HERC4: variants seen among roughly 807,000 people sequenced by gnomAD.
HERC4 encodes the protein probable E3 ubiquitin-protein ligase HERC4.
In HERC4, 28 loss-of-function variants were observed where a neutral mutation model predicts 124.3. The ratio of observed to expected loss-of-function variants is 0.23; its 90% confidence interval spans 0.17 to 0.31. The LOEUF (loss-of-function observed/expected upper bound fraction) is 0.31. HERC4 is among the 10% of genes least tolerant of loss of function. The pLI, the probability that HERC4 is intolerant of heterozygous loss-of-function variation, is 1.00. For synonymous variants in HERC4, 407 were observed against 421.5 expected (o/e 0.97, Z 0.42); for missense variants, 713 against 1,229.3 (o/e 0.58, Z 6.28).
intron 16 of HERC4, among the ~76,000 whole-genome samples, chr10:67,958,275 C>T (rs1415178973): frequency 6.6e-6 from 1 of 152,164 alleles, no homozygotes; most frequent in East Asian, 1.9e-4. Context: ...ACAAGGTTTA[C>T]CTCCATCCTA....
chr10:68,068,039 G>C (rs955190307), intron 3 of HERC4: 1 of 152,154 alleles, frequency 6.6e-6, no homozygotes, highest in African/African-American at 2.4e-5. Flanking sequence ...TTAGTTATAA[G>C]ATAGTAATTT....
intron 16 of HERC4, 118 bp downstream of exon 16, chr10:67,966,565 G>GT (rs1274803878): frequency 3.3e-4 from 292 of 892,348 alleles, no homozygotes; most frequent in Non-Finnish European, 4.0e-4. Context: ...TATTTAAAAA[G>GT]TAAGTTCTGG....
chr10:67,991,094 G>C, intron 12 of HERC4, 46 bp downstream of exon 12: 1 of 1,411,488 alleles, frequency 7.1e-7, no homozygotes. Flanking sequence ...TACTATTTAA[G>C]ACAATAAATT....
chr10:68,069,050 C>G (rs544762357), intron 3 of HERC4: 379 of 984,888 alleles, frequency 3.8e-4, no homozygotes, highest in Admixed American at 1.5e-3. Context: ...GGTCACAGAA[C>G]AGTTTAGTAC....
chr10:68,057,844 C>A (rs2040631314), intron 3 of HERC4, among the ~76,000 whole-genome samples: 1 of 151,746 alleles, frequency 6.6e-6, no homozygotes. Flanking sequence ...GGATTACAAG[C>A]GTGCATCACC....
At chr10:68,017,185 T>A (rs752426245) in intron 8 of HERC4, among the ~76,000 whole-genome samples, 12 of 152,124 alleles carry the variant, frequency 7.9e-5, no homozygotes, top group Non-Finnish European at 1.3e-4. Flanking sequence ...TTTGTCTCCA[T>A]CAGAAGAATA....
At chr10:67,924,710 T>C (rs527626173) in intron 24 of HERC4, among the ~76,000 whole-genome samples, 1 of 152,328 alleles carries the variant, frequency 6.6e-6, no homozygotes, top group African/African-American at 2.4e-5. Context: ...CTACTGGATT[T>C]GGGTATCCTT....
At chr10:68,030,620 G>A (rs2039155749) in intron 7 of HERC4, among the ~76,000 whole-genome samples, 1 of 152,058 alleles carries the variant, frequency 6.6e-6, no homozygotes, top group Admixed American at 6.5e-5. Flanking sequence ...CTTCATTACA[G>A]GGATGTACCA....
At chr10:68,053,877 A>G (rs1362689256) in intron 3 of HERC4, among the ~76,000 whole-genome samples, 1 of 152,236 alleles carries the variant, frequency 6.6e-6, no homozygotes, top group Admixed American at 6.5e-5. Flanking sequence ...AACAGGATCT[A>G]GAATCAATAG....
At position 67,924,308 on chromosome 10, in the gene HERC4, C is replaced by T. The variant is rs557148797; in HGVS notation, c.2941+777G>A. 1.2e-4 allele frequency among the ~76,000 whole-genome samples: 19 copies of T among 152,206 alleles called. 1 individual carries two copies. Among genetic ancestry groups the T allele is most frequent in the African/African-American group, 4.3e-4 (18 of 41,530 alleles). On this transcript the variant is annotated intron_variant, in intron 24 of 24. Coordinates refer to ENST00000373700, the MANE Select transcript of HERC4 (RefSeq NM_015601.4). ...ACATGTACATTCATGTGTCACTTAA[C>T]GATGATGATATGTTCTGAGAAATGC...
chr10:68,062,219 C>A (rs1423247962), intron 3 of HERC4, among the ~76,000 whole-genome samples: 1 of 152,110 alleles, frequency 6.6e-6, no homozygotes, highest in Non-Finnish European at 1.5e-5. Context: ...ATTAAGTTTA[C>A]CACAAAATTC....
rs533364857 is a variant in HERC4 at position 68,069,853 on chromosome 10, T to C, written c.226+3030A>G. Reference sequence around the variant, plus strand: ...GTCAGGATATCAAGACCATCCTGGCTAACACGGTGAAACCCCGTCCCTACT... The same window carrying C: ...GTCAGGATATCAAGACCATCCTGGCCAACACGGTGAAACCCCGTCCCTACT... On this transcript the variant is annotated intron_variant, in intron 3 of 24. Coordinates refer to ENST00000373700, the MANE Select transcript of HERC4 (RefSeq NM_015601.4). 5.8e-5 allele frequency: 31 copies of C among 533,072 alleles called. No individual in the cohort carries two copies. In the African/African-American group the frequency reaches 6.2e-4, roughly 11 times the overall value. The allele number at this position is 533,072 out of a possible 1,614,324, so 33.0% of individuals were successfully genotyped here. A position where few individuals can be genotyped will look rare whatever the true frequency, so the allele number is the denominator to read the frequency against.
intron 4 of HERC4, chr10:68,039,540 T>C: frequency 1.3e-6 from 2 of 1,544,606 alleles, no homozygotes; most frequent in Non-Finnish European, 1.7e-6. Context: ...TCTGATTCCA[T>C]ATTATTGTAT....
At chr10:68,002,382 A>C (rs2037282126) in intron 9 of HERC4, among the ~76,000 whole-genome samples, 1 of 152,040 alleles carries the variant, frequency 6.6e-6, no homozygotes, top group Admixed American at 6.6e-5. Flanking sequence ...GATAGTAAAA[A>C]ATATATATGA....
chr10:68,016,480 G>A (rs912720069), intron 8 of HERC4, among the ~76,000 whole-genome samples: 12 of 152,098 alleles, frequency 7.9e-5, no homozygotes, highest in Non-Finnish European at 1.6e-4. Flanking sequence ...AGCCTCCCAA[G>A]TGGCTGGGAC....
At chr10:68,041,934 A>C (rs1385012916) in intron 4 of HERC4, among the ~76,000 whole-genome samples, 1 of 152,200 alleles carries the variant, frequency 6.6e-6, no homozygotes, top group African/African-American at 2.4e-5. Flanking sequence ...TTCTTCTTTA[A>C]TATTATCCAT....
At chr10:67,944,041 G>C (rs1322259347) in intron 19 of HERC4, among the ~76,000 whole-genome samples, 1 of 152,246 alleles carries the variant, frequency 6.6e-6, no homozygotes, top group African/African-American at 2.4e-5. Context: ...CTGAAGGGAA[G>C]AACACAAGCT....
intron 19 of HERC4, among the ~76,000 whole-genome samples, chr10:67,948,000 C>T (rs2033512686): frequency 7.8e-6 from 1 of 128,642 alleles, no homozygotes; most frequent in Non-Finnish European, 1.7e-5. Context: ...AAACAATACA[C>T]TCTTAAACAA....
At chr10:68,037,091 CTTTTTTTTT>C (rs35105661) in intron 5 of HERC4, among the ~76,000 whole-genome samples, 2 of 106,930 alleles carry the variant, frequency 1.9e-5, no homozygotes, top group South Asian at 3.2e-4. Flanking sequence ...CCTATTTCTT[CTTTTTTTTT>C]TTTTTTTTTT....
Sources: gnomAD v4.1 joint callset for allele counts (sites outside exome capture counted in the v4.1 genomes callset) on GRCh38, gnomAD v4.1.1 for gene constraint, MANE v1.5 for transcripts, NCBI Gene and HGNC (gene_info 2026-07-23, HGNC 2026-07-21) for gene names.